Variants in GULP1 observed in about 807,000 individuals in gnomAD.
GULP1 encodes the protein PTB domain-containing engulfment adapter protein 1.
Under a neutral mutation model 40.9 loss-of-function variants are expected in GULP1, and 19 were observed. The ratio of observed to expected loss-of-function variants is 0.46; its 90% CI spans 0.32 to 0.68. The LOEUF (loss-of-function observed/expected upper bound fraction) is 0.68, where lower values mean the gene tolerates loss of function less well. GULP1 is among the 30% of genes least tolerant of loss of function. The pLI is 0.03. For synonymous variants in GULP1, 119 were observed against 117.6 expected (o/e 1.01, Z -0.08); for missense variants, 312 against 362.2 (o/e 0.86, Z 1.12).
intron 1 of GULP1, among the ~76,000 whole-genome samples, chr2:188,380,203 T>A (rs1330251436): frequency 6.6e-6 from 1 of 152,210 alleles, no homozygotes. Context: ...TGCTCCAAGC[T>A]ACTTAGGACA....
intron 9 of GULP1, among the ~76,000 whole-genome samples, chr2:188,581,747 A>G (rs1027331618): frequency 6.6e-6 from 1 of 152,234 alleles, no homozygotes; most frequent in Non-Finnish European, 1.5e-5. Context: ...GACTAGAGTC[A>G]GACTGTTTTG....
chr2:188,412,491 T>C (rs1344458563), intron 2 of GULP1, among the ~76,000 whole-genome samples: 2 of 152,092 alleles, frequency 1.3e-5, no homozygotes, highest in Non-Finnish European at 2.9e-5. Flanking sequence ...TCCAGTTTAA[T>C]GGAATCATTG....
At chr2:188,461,639 CT>C (rs2059716652) in intron 2 of GULP1, among the ~76,000 whole-genome samples, 1 of 151,664 alleles carries the variant, frequency 6.6e-6, no homozygotes, top group Non-Finnish European at 1.5e-5. Context: ...AATCTTGTTA[CT>C]TATTATTGCT....
At chr2:188,356,445 T>C (rs113106793) in intron 1 of GULP1, among the ~76,000 whole-genome samples, 29 of 152,060 alleles carry the variant, frequency 1.9e-4, no homozygotes, top group Non-Finnish European at 3.4e-4. Context: ...TTACAACAGC[T>C]ACAAATTAAT....
chr2:188,368,956 T>TAA (rs2152427220), intron 1 of GULP1, among the ~76,000 whole-genome samples: 1 of 131,974 alleles, frequency 7.6e-6, no homozygotes, highest in South Asian at 2.4e-4. Context: ...TATATATATA[T>TAA]ATATATATAT....
chr2:188,355,186 T>C (rs1374683983), intron 1 of GULP1, among the ~76,000 whole-genome samples: 1 of 151,474 alleles, frequency 6.6e-6, no homozygotes, highest in African/African-American at 2.4e-5. Flanking sequence ...GGAGTAAAGA[T>C]AAACAGAAAT....
intron 4 of GULP1, among the ~76,000 whole-genome samples, chr2:188,502,196 A>G (rs2063501031): frequency 2.0e-5 from 1 of 49,750 alleles, no homozygotes; most frequent in South Asian, 7.4e-4. Context: ...TGGTAAGAAG[A>G]GGGACAGAAA....
chr2:188,456,735 C>T (rs1225769785), intron 2 of GULP1, among the ~76,000 whole-genome samples: 1 of 152,146 alleles, frequency 6.6e-6, no homozygotes, highest in Non-Finnish European at 1.5e-5. Flanking sequence ...GTCCTCCAGA[C>T]CCCAGAATGA....
chr2:188,408,217 G>A (rs1052184148), intron 2 of GULP1, among the ~76,000 whole-genome samples: 7 of 152,260 alleles, frequency 4.6e-5, no homozygotes, highest in African/African-American at 1.4e-4. Context: ...TTGTCATGAT[G>A]TAGCAGGAAG....
intron 3 of GULP1, among the ~76,000 whole-genome samples, chr2:188,481,372 C>T (rs1008861595): frequency 4.0e-5 from 6 of 151,870 alleles, no homozygotes; most frequent in Non-Finnish European, 7.4e-5. Context: ...ATTAGGATGA[C>T]AGTAAGAACT....
rs963308158 is a variant in GULP1 at position 188,431,952 on chromosome 2, T to A, written c.-44-45707T>A. On this transcript the variant is annotated intron_variant, in intron 2 of 11. Transcript: ENST00000409830. ...AATTAGATAAAAATTATTTTCCTTT[T>A]AAAAAGAACACATTTTCATGTCTGT... Among the ~76,000 whole-genome samples, 4 of 151,836 alleles carry A rather than the reference T, an allele frequency of 2.6e-5. No individual in the cohort carries two copies. The East Asian group carries it at 7.7e-4, about 29-fold the overall frequency.
intron 1 of GULP1, among the ~76,000 whole-genome samples, chr2:188,345,361 A>G (rs761338998): frequency 1.3e-5 from 2 of 152,170 alleles, no homozygotes; most frequent in Non-Finnish European, 2.9e-5. Context: ...AACAAGCTTC[A>G]CTACACCTTA....
chr2:188,303,299 G>T (rs188384872), intron 1 of GULP1, among the ~76,000 whole-genome samples: 4 of 152,246 alleles, frequency 2.6e-5, no homozygotes. Flanking sequence ...GAGCAGGGAT[G>T]AAATATATTT....
At chr2:188,372,005 AT>A (rs5837089) in intron 1 of GULP1, among the ~76,000 whole-genome samples, 117,145 of 151,980 alleles carry the variant, frequency 0.77, 45,977 homozygotes, top group East Asian at 0.95. Flanking sequence ...TACATCATTG[AT>A]TTTTCCAATG....
chr2:188,587,781 C>A, intron 10 of GULP1, 74 bp from the exon 11 acceptor site: 1 of 792,844 alleles, frequency 1.3e-6, no homozygotes, highest in East Asian at 2.4e-5. Context: ...TTTATATAAT[C>A]CTGCCTTTGA....
At chr2:188,569,510 G>T in intron 8 of GULP1, 155 bp downstream of exon 8, 1 of 636,774 alleles carries the variant, frequency 1.6e-6, no homozygotes, top group Non-Finnish European at 2.8e-6. Context: ...TTTCGTTCCT[G>T]ATCCCCTGCA....
chr2:188,340,813 AG>A (rs2042867157), intron 1 of GULP1, among the ~76,000 whole-genome samples: 1 of 152,094 alleles, frequency 6.6e-6, no homozygotes. Flanking sequence ...CTCAGTGGGA[AG>A]GGGAGTTGGA....
intron 1 of GULP1, among the ~76,000 whole-genome samples, chr2:188,296,523 G>A (rs2105914918): frequency 6.6e-6 from 1 of 152,116 alleles, no homozygotes; most frequent in East Asian, 1.9e-4. Context: ...ACATTGAAAT[G>A]GTATAGTTAT....
intron 4 of GULP1, among the ~76,000 whole-genome samples, chr2:188,493,319 C>T (rs2062589374): frequency 6.6e-6 from 1 of 151,930 alleles, no homozygotes; most frequent in African/African-American, 2.4e-5. Flanking sequence ...GAATCCATCC[C>T]AATTTCCCTC....
Sources: gnomAD v4.1 joint callset for allele counts (sites outside exome capture counted in the v4.1 genomes callset) on GRCh38, gnomAD v4.1.1 for gene constraint, MANE v1.5 for transcripts, NCBI Gene and HGNC (gene_info 2026-07-23, HGNC 2026-07-21) for gene names.